Variants in SLC14A2 observed in about 807,000 individuals in gnomAD.
The protein encoded by SLC14A2 is urea transporter 2.
A neutral mutation model predicts 104.6 loss-of-function variants in SLC14A2; 91 were observed. That is an observed-to-expected ratio of 0.87 (90% CI 0.73 to 1.04). The LOEUF (loss-of-function observed/expected upper bound fraction) is 1.04, where lower values mean the gene tolerates loss of function less well. SLC14A2 is among the 50% of genes least tolerant of loss of function. The probability of loss-of-function intolerance (pLI) is 0.00; values close to 1 mark genes in which losing one functional copy is unlikely to be tolerated. For synonymous variants in SLC14A2, 476 were observed against 466.4 expected (o/e 1.02, Z -0.27); for missense variants, 1,189 against 1,156.0 (o/e 1.03, Z -0.41).
At chr18:45,544,448 T>G (rs2543020) in intron 2 of SLC14A2, among the ~76,000 whole-genome samples, 82,959 of 152,110 alleles carry the variant, frequency 0.55, 25,131 homozygotes, top group African/African-American at 0.83. Flanking sequence ...AATTGCATTC[T>G]TGTTTGTTCC....
chr18:45,421,036 G>C (rs977682436), intron 1 of SLC14A2, among the ~76,000 whole-genome samples: 8 of 151,814 alleles, frequency 5.3e-5, no homozygotes, highest in African/African-American at 1.9e-4. Context: ...ACCGCACCCG[G>C]CCTGATTTTT....
At chr18:45,369,683 C>G (rs2085702352) in intron 1 of SLC14A2, among the ~76,000 whole-genome samples, 1 of 152,168 alleles carries the variant, frequency 6.6e-6, no homozygotes, top group South Asian at 2.1e-4. Context: ...TATATTTACA[C>G]AAATACATAT....
chr18:45,365,432 CT>C (rs2085656660), intron 1 of SLC14A2, among the ~76,000 whole-genome samples: 1 of 152,230 alleles, frequency 6.6e-6, no homozygotes, highest in Non-Finnish European at 1.5e-5. Context: ...TTATTGAGCA[CT>C]TACTTTGTGC....
rs1322233861 is a variant in SLC14A2 at position 45,412,520 on chromosome 18, A to C, written c.-124-70713A>C. ...AAGGGCTCATGTGCCTGCTTTCATC[A>C]TCACTTCTAGAGCCAGCCCAGAACC... On this transcript the variant is annotated intron_variant, in intron 1 of 20. Transcript: ENST00000586448. Among the ~76,000 whole-genome samples, 11 of 152,154 alleles carry C rather than the reference A, an allele frequency of 7.2e-5. No homozygotes were observed. In the East Asian group the frequency reaches 2.1e-3, roughly 29 times the overall value.
At position 45,675,707 on chromosome 18, in the gene SLC14A2, ATATTTTT is replaced by A. The variant is rs1345042545; in HGVS notation, c.2512+1892_2512+1898del. Among the ~76,000 whole-genome samples, 27 of 83,440 alleles carry A rather than the reference ATATTTTT, an allele frequency of 3.2e-4. No individual in the cohort carries two copies. In the East Asian group the frequency reaches 8.4e-3, roughly 26 times the overall value. 54.7% of individuals were successfully genotyped at this position (83,440 alleles called of 152,430 possible). On this transcript the variant is annotated intron_variant, in intron 18 of 19. Transcript: ENST00000255226. ...TTTCTATATATATATATATATATATATATTTTTTTTTTTTTTTTTTTTGGAGAGACAG... is the reference window on the plus strand; with the variant it reads ...TTTCTATATATATATATATATATATATTTTTTTTTTTTTTTGGAGAGACAG...
chr18:45,625,543 G>T, intron 2 of SLC14A2, 140 bp from the exon 3 acceptor site: 1 of 587,686 alleles, frequency 1.7e-6, no homozygotes, highest in East Asian at 3.4e-5. Context: ...CTATGCAGCC[G>T]CAGACAATGG....
chr18:45,553,820 C>A (rs550963919), intron 2 of SLC14A2, among the ~76,000 whole-genome samples: 62 of 152,188 alleles, frequency 4.1e-4, no homozygotes, highest in African/African-American at 1.5e-3. Flanking sequence ...ATTTCTGACT[C>A]CAGAAGACAG....
intron 2 of SLC14A2, among the ~76,000 whole-genome samples, chr18:45,540,149 T>C (rs921402681): frequency 6.6e-6 from 1 of 152,088 alleles, no homozygotes; most frequent in Non-Finnish European, 1.5e-5. Context: ...CTGGGACACC[T>C]ATTTTGCTGC....
intron 2 of SLC14A2, among the ~76,000 whole-genome samples, chr18:45,590,102 T>C (rs1231379024): frequency 6.6e-6 from 1 of 152,182 alleles, no homozygotes; most frequent in Non-Finnish European, 1.5e-5. Flanking sequence ...TTGGCAGACA[T>C]TTAGGTTCTG....
chr18:45,421,187 G>A (rs531274662), intron 1 of SLC14A2, among the ~76,000 whole-genome samples: 11 of 151,226 alleles, frequency 7.3e-5, no homozygotes, highest in African/African-American at 9.7e-5. Flanking sequence ...AGCTATCTAC[G>A]TGCAGAATTT....
intron 17 of SLC14A2, 55 bp from the exon 18 acceptor site, chr18:45,673,628 C>G (rs781100534): frequency 1.0e-5 from 16 of 1,576,670 alleles, no homozygotes; most frequent in South Asian, 9.0e-5. Context: ...TCAGGGCCAG[C>G]AGATGGGCCC....
At chr18:45,189,593 C>A in the SLC14A2 span, among the ~76,000 whole-genome samples, 1 of 152,194 alleles carries the variant, frequency 6.6e-6, no homozygotes, top group African/African-American at 2.4e-5. Flanking sequence ...GTCTCACTAG[C>A]TGTGTGATAT....
chr18:45,242,601 A>G (rs2144054171), intron 1 of SLC14A2, among the ~76,000 whole-genome samples: 1 of 152,282 alleles, frequency 6.6e-6, no homozygotes, highest in Admixed American at 6.5e-5. Context: ...TGTCTTTCTT[A>G]TTAATGTGAA....
intron 1 of SLC14A2, among the ~76,000 whole-genome samples, chr18:45,390,058 T>G (rs2085943325): frequency 6.6e-6 from 1 of 152,096 alleles, no homozygotes; most frequent in African/African-American, 2.4e-5. Flanking sequence ...TCGTTGGTAT[T>G]TGGGGGAGAA....
intron 1 of SLC14A2, among the ~76,000 whole-genome samples, chr18:45,215,491 G>GA (rs1011383097): frequency 3.3e-5 from 5 of 151,940 alleles, no homozygotes; most frequent in African/African-American, 1.2e-4. Flanking sequence ...ATAGGAAAGG[G>GA]AAAAAAAATC....
intron 1 of SLC14A2, among the ~76,000 whole-genome samples, chr18:45,244,860 A>AGT (rs1914546070): frequency 6.6e-6 from 1 of 152,356 alleles, no homozygotes; most frequent in South Asian, 2.1e-4. Context: ...ATTGTCTCAC[A>AGT]TCTATTCATT....
At chr18:45,609,104 C>A (rs1053294878) in intron 2 of SLC14A2, among the ~76,000 whole-genome samples, 5 of 152,166 alleles carry the variant, frequency 3.3e-5, no homozygotes, top group African/African-American at 4.8e-5. Flanking sequence ...GCTGTTGCCC[C>A]CTTCAGAGTA....
At chr18:45,542,663 A>G (rs538748839) in intron 2 of SLC14A2, among the ~76,000 whole-genome samples, 1 of 152,174 alleles carries the variant, frequency 6.6e-6, no homozygotes, top group South Asian at 2.1e-4. Context: ...TGTCTAGTAG[A>G]TCTGGAAGGT....
chr18:45,330,415 C>T lies in SLC14A2; in HGVS notation c.-125+117224C>T, dbSNP rs142324657. ...GCTTGAGGTTGCATTTCAGAGCACA[C>T]GGCCTTCTGATGGGAGGCTGGGAAA... On this transcript the variant is annotated intron_variant, in intron 1 of 20. Coordinates refer to the SLC14A2 transcript ENST00000586448. 2.9e-3 allele frequency among the ~76,000 whole-genome samples: 442 copies of T among 152,254 alleles called. 2 individuals carry two copies. The highest frequency in any genetic ancestry group is 0.01 in the African/African-American group (417 of 41,532).
Sources: allele counts gnomAD v4.1 joint callset (sites outside exome capture counted in the v4.1 genomes callset), GRCh38; gene constraint gnomAD v4.1.1; transcripts MANE v1.5; gene names NCBI Gene and HGNC (gene_info 2026-07-23, HGNC 2026-07-21).